The following RNF152 variants were observed in gnomAD, a reference collection of about 807,000 sequenced individuals.
RNF152 encodes E3 ubiquitin-protein ligase RNF152.
A neutral mutation model predicts 12.7 loss-of-function variants in RNF152; 11 were observed. The observed-to-expected ratio is 0.86, with a 90% CI of 0.54 to 1.43. RNF152 has a LOEUF of 1.43. Ranked by LOEUF, RNF152 falls within the 40% of genes most tolerant of loss-of-function variation. The pLI is 0.00. For missense variants in RNF152, 255 were observed against 274.8 expected (o/e 0.93, Z 0.51); for synonymous variants, 113 against 120.3 (o/e 0.94, Z 0.40).
At chr18:61,884,856 G>A (rs1332478371) in intron 1 of RNF152, among the ~76,000 whole-genome samples, 1 of 152,178 alleles carries the variant, frequency 6.6e-6, no homozygotes, top group Non-Finnish European at 1.5e-5. Context: ...ACCATGCCTG[G>A]CCATTCAAAA....
chr18:61,826,314 T>C (rs1333087315), intron 1 of RNF152, among the ~76,000 whole-genome samples: 1 of 152,196 alleles, frequency 6.6e-6, no homozygotes, highest in Non-Finnish European at 1.5e-5. Context: ...AAACCCACCA[T>C]AAATCCCCTC....
chr18:61,877,414 G>A (rs1018114979), intron 1 of RNF152, among the ~76,000 whole-genome samples: 1 of 152,212 alleles, frequency 6.6e-6, no homozygotes, highest in Non-Finnish European at 1.5e-5. Flanking sequence ...TATTAATGGT[G>A]TGGGAAACAG....
At chr18:61,859,925 C>T (rs1458902779) in intron 1 of RNF152, among the ~76,000 whole-genome samples, 2 of 151,240 alleles carry the variant, frequency 1.3e-5, no homozygotes, top group East Asian at 3.9e-4. Flanking sequence ...CCCCTAGTAT[C>T]TCAGAATGTA....
chr18:61,851,420 C>T (rs752362913), intron 1 of RNF152, among the ~76,000 whole-genome samples: 29 of 151,416 alleles, frequency 1.9e-4, no homozygotes, highest in Non-Finnish European at 7.4e-5. Flanking sequence ...CTTACCCAAG[C>T]GCCTGAGCTG....
rs1908817580 is a variant in RNF152, at chr18:61,811,828, T to G, written c.*4024A>C. Reference sequence around the variant, plus strand: ...TCATGCATAGCTTGCAAGTCAAACGTTTTACAGGTACTGTCTAACTACTAT... The same window carrying G: ...TCATGCATAGCTTGCAAGTCAAACGGTTTACAGGTACTGTCTAACTACTAT... On this transcript the variant is annotated 3_prime_UTR_variant, in exon 2 of 2. Coordinates refer to ENST00000312828, the MANE Select transcript of RNF152 (RefSeq NM_173557.3). 1 of 152,120 alleles carries G rather than the reference T, an allele frequency of 6.6e-6. No individual in the cohort carries two copies. Among genetic ancestry groups the G allele is most frequent in the Non-Finnish European group, 1.5e-5 (1 of 68,026 alleles). 9.4% of individuals were successfully genotyped at this position (152,120 alleles called of 1,614,324 possible). A position where few individuals can be genotyped will look rare whatever the true frequency, so the allele number is the denominator to read the frequency against.
At chr18:61,885,980 GCTTTCTTTT>G (rs1568296981) in intron 1 of RNF152, among the ~76,000 whole-genome samples, 2 of 87,336 alleles carry the variant, frequency 2.3e-5, no homozygotes, top group African/African-American at 4.2e-5. Context: ...GCTTTCTTTT[GCTTTCTTTT>G]TTTTTTTTTT....
intron 1 of RNF152, among the ~76,000 whole-genome samples, chr18:61,831,227 C>CGTCTGA: frequency 6.6e-6 from 1 of 152,306 alleles, no homozygotes; most frequent in Non-Finnish European, 1.5e-5. Flanking sequence ...CCTCAGATCA[C>CGTCTGA]CACTGTCGCT....
chr18:61,816,587 G>A lies in RNF152; in HGVS notation c.-124C>T, dbSNP rs1909108540. On this transcript the variant is annotated 5_prime_UTR_variant, in exon 2 of 2. Transcript: ENST00000312828. ...GCTCACAGGCATCCAGTACTCACAG[G>A]TGTGTTCATTTCTGAGAGAGACAAA... is the stretch of plus-strand genomic sequence containing the variant. 10 of 989,148 alleles carry A rather than the reference G, an allele frequency of 1.0e-5. No individual in the cohort carries two copies. Among genetic ancestry groups the A allele is most frequent in the South Asian group, 9.8e-5 (6 of 61,040 alleles). 61.3% of individuals were successfully genotyped at this position (989,148 alleles called of 1,614,324 possible). A position where few individuals can be genotyped will look rare whatever the true frequency, so the allele number is the denominator to read the frequency against.
chr18:61,833,712 C>T (rs543220237), intron 1 of RNF152, among the ~76,000 whole-genome samples: 1 of 152,296 alleles, frequency 6.6e-6, no homozygotes, highest in Admixed American at 6.5e-5. Context: ...TTAAAAATGT[C>T]ATCCATCCCT....
chr18:61,837,514 G>A (rs1342415370), intron 1 of RNF152, among the ~76,000 whole-genome samples: 4 of 152,188 alleles, frequency 2.6e-5, no homozygotes, highest in Admixed American at 2.6e-4. Flanking sequence ...TAAGACTGCT[G>A]ACTTTGTACC....
intron 1 of RNF152, among the ~76,000 whole-genome samples, chr18:61,885,731 T>C (rs1257079313): frequency 6.6e-6 from 1 of 152,204 alleles, no homozygotes; most frequent in Non-Finnish European, 1.5e-5. Context: ...GAAGAGTTTC[T>C]ATCATGTGAA....
intron 1 of RNF152, among the ~76,000 whole-genome samples, chr18:61,875,556 T>C (rs1001909378): frequency 4.0e-5 from 6 of 151,858 alleles, no homozygotes; most frequent in African/African-American, 1.5e-4. Context: ...ATAATGACCA[T>C]CTGGGCGTGG....
At chr18:61,849,465 C>G (rs972018942) in intron 1 of RNF152, among the ~76,000 whole-genome samples, 2 of 152,174 alleles carry the variant, frequency 1.3e-5, no homozygotes, top group Non-Finnish European at 2.9e-5. Context: ...CTTTAGGTGT[C>G]ATTAGCACCT....
At chr18:61,829,236 C>T (rs554630845) in intron 1 of RNF152, among the ~76,000 whole-genome samples, 3 of 152,282 alleles carry the variant, frequency 2.0e-5, no homozygotes, top group African/African-American at 4.8e-5. Flanking sequence ...AGGAAGGAGA[C>T]GCAGGGCACA....
chr18:61,875,823 T>A (rs1001961681), intron 1 of RNF152, among the ~76,000 whole-genome samples: 1 of 151,948 alleles, frequency 6.6e-6, no homozygotes, highest in Non-Finnish European at 1.5e-5. Flanking sequence ...AGGGCTCAGG[T>A]CTTCATTACA....
intron 1 of RNF152, among the ~76,000 whole-genome samples, chr18:61,854,461 T>C (rs1209158314): frequency 1.3e-5 from 2 of 152,232 alleles, no homozygotes; most frequent in Admixed American, 1.3e-4. Flanking sequence ...GTGTCTTCCA[T>C]GTTCAACACA....
rs993430171 is a variant in RNF152 at position 61,810,274 on chromosome 18, T to G, written c.*5578A>C. On this transcript the variant is annotated 3_prime_UTR_variant, in exon 2 of 2. Coordinates refer to ENST00000312828, the MANE Select transcript of RNF152 (RefSeq NM_173557.3). ...AACTCCAATTACAGCTAAATCGTGG[T>G]GTGTGTGTGTGTGTGTGTGTAGTAA... 1.4e-5 allele frequency: 2 copies of G among 147,374 alleles called. No individual in the cohort carries two copies. Among genetic ancestry groups the G allele is most frequent in the Non-Finnish European group, 3.0e-5 (2 of 67,154 alleles). 9.1% of individuals were successfully genotyped at this position (147,374 alleles called of 1,614,324 possible).
At chr18:61,825,966 C>T (rs1364565204) in intron 1 of RNF152, among the ~76,000 whole-genome samples, 1 of 152,068 alleles carries the variant, frequency 6.6e-6, no homozygotes, top group East Asian at 1.9e-4. Flanking sequence ...GTCAGGGACC[C>T]ACAACCTTTT....
intron 1 of RNF152, among the ~76,000 whole-genome samples, chr18:61,877,790 C>T (rs1477816899): frequency 6.6e-6 from 1 of 152,200 alleles, no homozygotes; most frequent in African/African-American, 2.4e-5. Flanking sequence ...TATTTTTACT[C>T]ACTACCAGGA....
Sources: allele counts gnomAD v4.1 joint callset (sites outside exome capture counted in the v4.1 genomes callset), GRCh38; gene constraint gnomAD v4.1.1; transcripts MANE v1.5; gene names NCBI Gene and HGNC (gene_info 2026-07-23, HGNC 2026-07-21).